The following KLF12 variants were observed in gnomAD, a reference collection of about 807,000 sequenced individuals.
KLF12 encodes the protein Krueppel-like factor 12.
In KLF12, 9 loss-of-function variants were observed where a neutral mutation model predicts 37.8. The observed-to-expected ratio is 0.24, with a 90% CI of 0.14 to 0.42. The LOEUF is 0.42. Among genes scored for constraint, KLF12 ranks in the 10% least tolerant of loss-of-function variants. KLF12 has a pLI of 1.00. For missense variants in KLF12, 411 were observed against 516.0 expected (o/e 0.80, Z 1.97); for synonymous variants, 208 against 202.1 (o/e 1.03, Z -0.25).
chr13:74,099,183 T>A (rs1042049483), intron 1 of KLF12, among the ~76,000 whole-genome samples: 1 of 151,918 alleles, frequency 6.6e-6, no homozygotes. Context: ...CCTCAAAGAA[T>A]AAAAAATTTA....
At chr13:73,927,255 G>A (rs1020625838) in intron 3 of KLF12, among the ~76,000 whole-genome samples, 1 of 152,176 alleles carries the variant, frequency 6.6e-6, no homozygotes, top group Non-Finnish European at 1.5e-5. Context: ...GAGCCCAGAG[G>A]CTTCTCCCCT....
intron 3 of KLF12, among the ~76,000 whole-genome samples, chr13:73,908,184 C>T (rs1215581834): frequency 2.6e-5 from 4 of 151,994 alleles, no homozygotes; most frequent in East Asian, 2.0e-4. Flanking sequence ...GGGTGGATCA[C>T]GAGTTCAGGA....
intron 5 of KLF12, among the ~76,000 whole-genome samples, chr13:73,775,947 A>C (rs1880581832): frequency 6.6e-6 from 1 of 152,194 alleles, no homozygotes. Context: ...TTTCCTTTGA[A>C]TAGAACAAAA....
At chr13:73,885,394 G>GT (rs1445349947) in intron 3 of KLF12, among the ~76,000 whole-genome samples, 2 of 152,122 alleles carry the variant, frequency 1.3e-5, no homozygotes, top group Non-Finnish European at 2.9e-5. Context: ...CCCCATATTG[G>GT]TTTACATTAC....
At chr13:74,279,296 T>C in the KLF12 span, among the ~76,000 whole-genome samples, 7 of 152,174 alleles carry the variant, frequency 4.6e-5, no homozygotes, top group Non-Finnish European at 2.9e-5. Context: ...GCTCTGATCT[T>C]TGTACTTAGA....
chr13:73,826,133 T>C (rs896001709), intron 4 of KLF12, among the ~76,000 whole-genome samples: 9 of 152,134 alleles, frequency 5.9e-5, no homozygotes, highest in African/African-American at 1.9e-4. Flanking sequence ...CCACCACGCC[T>C]GGCTAATTTT....
intron 1 of KLF12, among the ~76,000 whole-genome samples, chr13:74,015,623 T>G (rs2138391200): frequency 6.6e-6 from 1 of 152,298 alleles, no homozygotes; most frequent in Admixed American, 6.5e-5. Flanking sequence ...ATACACCCTC[T>G]CTTTCCACAG....
chr13:74,070,586 G>T (rs926721478), intron 1 of KLF12, among the ~76,000 whole-genome samples: 3 of 152,200 alleles, frequency 2.0e-5, no homozygotes, highest in Non-Finnish European at 4.4e-5. Flanking sequence ...CGCAGAGTGA[G>T]GGGAAGGATG....
At chr13:74,246,519 C>G in the KLF12 span, among the ~76,000 whole-genome samples, 1 of 152,224 alleles carries the variant, frequency 6.6e-6, no homozygotes, top group African/African-American at 2.4e-5. Flanking sequence ...AGGGGAACCA[C>G]TCTGTGCTTC....
chr13:74,252,209 A>G, the KLF12 span, among the ~76,000 whole-genome samples: 1 of 152,348 alleles, frequency 6.6e-6, no homozygotes, highest in South Asian at 2.1e-4. Context: ...TGTTTACCCT[A>G]GAAAGGTTCT....
chr13:73,872,480 C>T (rs796661771), intron 3 of KLF12, among the ~76,000 whole-genome samples: 26 of 152,250 alleles, frequency 1.7e-4, no homozygotes, highest in African/African-American at 6.0e-4. Flanking sequence ...AGGTGGGTGA[C>T]CCCTCACATG....
At chr13:74,002,359 ATTTATTTACTTTTTTATC>A (rs1217267921) in intron 1 of KLF12, among the ~76,000 whole-genome samples, 1 of 152,188 alleles carries the variant, frequency 6.6e-6, no homozygotes, top group African/African-American at 2.4e-5. Flanking sequence ...TTATTTTCTT[ATTTATTTACTTTTTTATC>A]TTTATTTATG....
chr13:73,914,445 C>T (rs1323805002), intron 3 of KLF12, among the ~76,000 whole-genome samples: 1 of 152,218 alleles, frequency 6.6e-6, no homozygotes, highest in African/African-American at 2.4e-5. Context: ...GAGAATAGTA[C>T]ACATAGCAGG....
intron 4 of KLF12, among the ~76,000 whole-genome samples, chr13:73,821,977 C>T (rs75777052): frequency 0.015 from 2,350 of 152,200 alleles, 41 homozygotes; most frequent in African/African-American, 0.038. Flanking sequence ...GTTAGGCATA[C>T]ACTTATTTTG....
At chr13:74,062,859 AC>A (rs1276815368) in intron 1 of KLF12, among the ~76,000 whole-genome samples, 6 of 152,190 alleles carry the variant, frequency 3.9e-5, no homozygotes, top group African/African-American at 1.4e-4. Context: ...ACCCACAGGA[AC>A]CTATTTTGTT....
At chr13:74,115,840 G>A (rs554328237) in intron 1 of KLF12, among the ~76,000 whole-genome samples, 19 of 152,088 alleles carry the variant, frequency 1.2e-4, no homozygotes, top group South Asian at 4.1e-4. Flanking sequence ...CTCCTCTGAC[G>A]CTTGTAAGGA....
intron 6 of KLF12, among the ~76,000 whole-genome samples, chr13:73,742,611 T>C (rs1210061653): frequency 6.6e-6 from 1 of 152,144 alleles, no homozygotes; most frequent in African/African-American, 2.4e-5. Flanking sequence ...CTCATGTCCT[T>C]CTCACATTTC....
chr13:73,894,803 G>C (rs1341833028), intron 3 of KLF12, among the ~76,000 whole-genome samples: 3 of 151,812 alleles, frequency 2.0e-5, no homozygotes, highest in African/African-American at 7.3e-5. Flanking sequence ...GTTGACTATG[G>C]GAAAAAATAC....
chr13:73,711,213 T>C (rs1281692652), intron 7 of KLF12, among the ~76,000 whole-genome samples: 1 of 152,194 alleles, frequency 6.6e-6, no homozygotes, highest in South Asian at 2.1e-4. Context: ...TAAGTGCAAG[T>C]TGTAGCAGCA....
Sources: gnomAD v4.1 joint callset for allele counts (sites outside exome capture counted in the v4.1 genomes callset) on GRCh38, gnomAD v4.1.1 for gene constraint, MANE v1.5 for transcripts, NCBI Gene and HGNC (gene_info 2026-07-23, HGNC 2026-07-21) for gene names.